The following TJP1 variants were observed in gnomAD, a reference collection of about 807,000 sequenced individuals.
The protein encoded by TJP1 is tight junction protein 1, also known as tight junction protein ZO-1.
A neutral mutation model predicts 194.2 loss-of-function variants in TJP1; 43 were observed. The observed-to-expected ratio is 0.22, with a 90% CI of 0.17 to 0.29. TJP1 has a LOEUF of 0.29. Among genes scored for constraint, TJP1 ranks in the 10% least tolerant of loss-of-function variants. The probability of loss-of-function intolerance (pLI) is 1.00; values close to 1 mark genes in which losing one functional copy is unlikely to be tolerated. For synonymous variants in TJP1, 801 were observed against 779.0 expected, an observed-to-expected ratio of 1.03 and a Z score of -0.47; for missense variants, 1,971 against 2,185.7, an observed-to-expected ratio of 0.90 and a Z score of 1.96.
chr15:29,905,582 A>G (rs1451425502), intron 2 of TJP1, among the ~76,000 whole-genome samples: 4 of 152,264 alleles, frequency 2.6e-5, no homozygotes, highest in Non-Finnish European at 4.4e-5. Flanking sequence ...AGCTTTAATC[A>G]TAATTGCCAA....
chr15:29,854,481 G>A (rs1327948715), intron 2 of TJP1, among the ~76,000 whole-genome samples: 2 of 152,156 alleles, frequency 1.3e-5, no homozygotes, highest in Non-Finnish European at 2.9e-5. Flanking sequence ...AACGTGATGT[G>A]AAGAGGGAGG....
Position 29,822,334 on chromosome 15 carries a change from C to T in TJP1, c.-306G>A, listed in dbSNP as rs1217049478. 4.7e-6 allele frequency: 5 copies of T among 1,073,072 alleles called. No individual in the cohort carries two copies. The East Asian group carries it at 2.9e-4, about 61-fold the overall frequency. 66.5% of individuals were successfully genotyped at this position (1,073,072 alleles called of 1,614,324 possible). A position where few individuals can be genotyped will look rare whatever the true frequency, so the allele number is the denominator to read the frequency against. The stretch of plus-strand genomic sequence containing the variant: ...GCCACGTCGGCCTCGCCCGGTCGCC[C>T]GCCCGTCAGCAGCACCCGTGGCCTC... On this transcript the variant is annotated 5_prime_UTR_variant, in exon 1 of 28. Transcript: ENST00000614355.
intron 2 of TJP1, among the ~76,000 whole-genome samples, chr15:29,949,397 A>T (rs867630246): frequency 0.03 from 3,731 of 122,896 alleles, 125 homozygotes; most frequent in Non-Finnish European, 0.044. Context: ...CACCACCACC[A>T]CCTCCACAAC....
chr15:29,825,701 A>G (rs1046762206), upstream of TJP1, among the ~76,000 whole-genome samples: 3 of 152,220 alleles, frequency 2.0e-5, no homozygotes, highest in Non-Finnish European at 4.4e-5. Context: ...GTATTTATTT[A>G]CGGTAGTGAA....
At position 29,773,309 on chromosome 15, in the gene TJP1, G is replaced by T. The variant is rs764475768; in HGVS notation, c.133C>A (p.Pro45Thr). The change falls in exon 3 of 28, where the codon CCT becomes ACT. Residue 45 changes from proline (P) to threonine (T), a missense_variant. This residue lies in a region of TJP1 where 245 missense variants were observed against 336.6 expected (regional missense o/e 0.73). Transcript: ENST00000614355. ...GACGTTTCCCCACTCTGAAAATGAG[G>T]ATTATCTCGTCCACCAGATATTGCA... Reference protein sequence around the residue: ...GIAISGGRDNPHFQSGETSIV... With the variant: ...GIAISGGRDNTHFQSGETSIV... The T allele has an allele frequency of 2.5e-6, 4 of 1,613,904 alleles. No individual in the cohort carries two copies. The highest frequency in any genetic ancestry group is 2.5e-6 in the Non-Finnish European group (3 of 1,179,910).
At chr15:29,936,186 T>C (rs534363629) in intron 2 of TJP1, among the ~76,000 whole-genome samples, 1 of 151,996 alleles carries the variant, frequency 6.6e-6, no homozygotes, top group South Asian at 2.1e-4. Context: ...GGGCCCTCCA[T>C]TCTCCCTTTC....
At chr15:29,914,760 C>T (rs1399187189) in intron 2 of TJP1, among the ~76,000 whole-genome samples, 1 of 152,120 alleles carries the variant, frequency 6.6e-6, no homozygotes, top group East Asian at 1.9e-4. Context: ...ATTCCACTCA[C>T]ACTGCTCTGC....
At chr15:29,799,712 GC>G (rs1266698346) in intron 2 of TJP1, among the ~76,000 whole-genome samples, 1 of 152,112 alleles carries the variant, frequency 6.6e-6, no homozygotes, top group East Asian at 1.9e-4. Context: ...ACCACACCCA[GC>G]CAAAAACAAC....
intron 2 of TJP1, among the ~76,000 whole-genome samples, chr15:29,906,622 C>T (rs1289920203): frequency 4.0e-5 from 6 of 151,826 alleles, no homozygotes; most frequent in Non-Finnish European, 8.8e-5. Flanking sequence ...CTCTGTCACC[C>T]AGGCTGGAGT....
At chr15:29,913,372 A>G (rs2054083053) in intron 2 of TJP1, among the ~76,000 whole-genome samples, 1 of 152,188 alleles carries the variant, frequency 6.6e-6, no homozygotes, top group Non-Finnish European at 1.5e-5. Flanking sequence ...GAGGTATCAG[A>G]GGCAGGAGAA....
At chr15:29,882,136 A>G (rs1400726369) in intron 2 of TJP1, among the ~76,000 whole-genome samples, 1 of 152,146 alleles carries the variant, frequency 6.6e-6, no homozygotes, top group African/African-American at 2.4e-5. Flanking sequence ...CTGTCCTCAC[A>G]TCAACCCCAG....
At chr15:29,745,451 A>C (rs948156428) in intron 8 of TJP1, among the ~76,000 whole-genome samples, 3 of 152,224 alleles carry the variant, frequency 2.0e-5, no homozygotes, top group Non-Finnish European at 4.4e-5. Flanking sequence ...TAACAAGAAC[A>C]TTAAACATTC....
chr15:29,775,651 A>G (rs2046970920), intron 2 of TJP1, among the ~76,000 whole-genome samples: 1 of 152,008 alleles, frequency 6.6e-6, no homozygotes. Flanking sequence ...ACTCATCATA[A>G]TTCAAAGACA....
At chr15:29,908,641 A>C (rs1189962063) in intron 2 of TJP1, among the ~76,000 whole-genome samples, 1 of 151,988 alleles carries the variant, frequency 6.6e-6, no homozygotes, top group Non-Finnish European at 1.5e-5. Context: ...AGCAGACGCC[A>C]GTTATGGCAA....
intron 2 of TJP1, among the ~76,000 whole-genome samples, chr15:29,836,886 C>T (rs1483453966): frequency 6.6e-6 from 1 of 152,166 alleles, no homozygotes; most frequent in African/African-American, 2.4e-5. Flanking sequence ...CCACAAAGTG[C>T]CAACTTGGAA....
intron 2 of TJP1, among the ~76,000 whole-genome samples, chr15:29,923,543 C>CAA (rs933066051): frequency 6.6e-5 from 10 of 152,102 alleles, no homozygotes; most frequent in African/African-American, 2.4e-4. Context: ...CATGCAAAGT[C>CAA]AAAGACCAGA....
At chr15:29,940,873 G>A (rs1703549587) in intron 2 of TJP1, among the ~76,000 whole-genome samples, 2 of 151,984 alleles carry the variant, frequency 1.3e-5, no homozygotes, top group Admixed American at 1.3e-4. Context: ...TCACCTCCAA[G>A]TGACCCCCAC....
intron 2 of TJP1, among the ~76,000 whole-genome samples, chr15:29,871,442 C>A (rs909099616): frequency 7.9e-5 from 12 of 152,252 alleles, no homozygotes; most frequent in Non-Finnish European, 1.2e-4. Context: ...GCCCGTGTAG[C>A]CCCCTCTCTG....
chr15:29,730,634 G>C (rs1167783345), intron 15 of TJP1: 2 of 648,478 alleles, frequency 3.1e-6, no homozygotes, highest in East Asian at 6.5e-5. Flanking sequence ...GAAGAGGCGA[G>C]AACGACCCCC....
Sources: gnomAD v4.1 joint callset for allele counts (sites outside exome capture counted in the v4.1 genomes callset) on GRCh38, gnomAD v4.1.1 for gene constraint, gnomAD v4.1.1 regional missense constraint, MANE v1.5 for transcripts, NCBI Gene and HGNC (gene_info 2026-07-23, HGNC 2026-07-21) for gene names.